SMARCC1: variants seen among roughly 807,000 people sequenced by gnomAD.
SMARCC1 encodes the protein SWI/SNF complex subunit SMARCC1.
Under a neutral mutation model 147.4 loss-of-function variants are expected in SMARCC1, and 43 were observed. The observed-to-expected ratio is 0.29, with a 90% confidence interval of 0.23 to 0.38. The LOEUF (loss-of-function observed/expected upper bound fraction) is 0.38. SMARCC1 is among the 10% of genes least tolerant of loss of function. The probability of loss-of-function intolerance (pLI) is 1.00; values close to 1 mark genes in which losing one functional copy is unlikely to be tolerated. For synonymous variants in SMARCC1, 495 were observed against 484.4 expected (o/e 1.02, Z -0.29); for missense variants, 1,119 against 1,381.1 (o/e 0.81, Z 3.01).
intron 2 of SMARCC1, 30 bp downstream of exon 2, chr3:47,772,787 G>A: frequency 6.3e-7 from 1 of 1,586,572 alleles, no homozygotes; most frequent in Non-Finnish European, 8.6e-7. Flanking sequence ...AACTGAGGAT[G>A]CCCAAATAAC....
intron 9 of SMARCC1, among the ~76,000 whole-genome samples, chr3:47,707,969 T>A (rs1424122826): frequency 1.3e-5 from 2 of 151,038 alleles, no homozygotes; most frequent in Non-Finnish European, 2.9e-5. Context: ...AGAAGCTCCA[T>A]AGCATCAAAC....
chr3:47,776,732 T>C (rs930619635), intron 1 of SMARCC1, among the ~76,000 whole-genome samples: 26 of 152,176 alleles, frequency 1.7e-4, no homozygotes, highest in Non-Finnish European at 1.0e-4. Flanking sequence ...AATATACATA[T>C]ATATGTAAAC....
intron 25 of SMARCC1, among the ~76,000 whole-genome samples, chr3:47,618,050 A>T (rs1212652007): frequency 6.6e-6 from 1 of 152,148 alleles, no homozygotes; most frequent in Non-Finnish European, 1.5e-5. Flanking sequence ...TCATACAAAG[A>T]ATTTTCCTGC....
At chr3:47,773,954 C>T (rs1216798585) in intron 1 of SMARCC1, among the ~76,000 whole-genome samples, 3 of 152,046 alleles carry the variant, frequency 2.0e-5, no homozygotes, top group Non-Finnish European at 2.9e-5. Flanking sequence ...TTTAAACCTC[C>T]AATTCCAAGC....
chr3:47,613,479 C>G (rs2032591847), intron 25 of SMARCC1, among the ~76,000 whole-genome samples: 1 of 151,438 alleles, frequency 6.6e-6, no homozygotes, highest in African/African-American at 2.4e-5. Context: ...CCTCCCTCAG[C>G]CTCCCAAGTA....
intron 21 of SMARCC1, among the ~76,000 whole-genome samples, chr3:47,639,313 A>G (rs1471848639): frequency 1.3e-5 from 2 of 152,220 alleles, no homozygotes; most frequent in Non-Finnish European, 2.9e-5. Context: ...AAACCAGCAC[A>G]GTATAACAGA....
At chr3:47,762,944 T>TA (rs1308147722) in intron 2 of SMARCC1, among the ~76,000 whole-genome samples, 4 of 151,924 alleles carry the variant, frequency 2.6e-5, no homozygotes, top group African/African-American at 9.7e-5. Context: ...CAGGCACCTG[T>TA]AGTCCCAGCT....
chr3:47,726,224 A>C (rs1373951448), intron 6 of SMARCC1, among the ~76,000 whole-genome samples: 1 of 151,764 alleles, frequency 6.6e-6, no homozygotes, highest in African/African-American at 2.4e-5. Context: ...TGAGACACCC[A>C]TCTCTAATAT....
intron 2 of SMARCC1, among the ~76,000 whole-genome samples, chr3:47,757,551 T>G (rs1334783369): frequency 6.6e-6 from 1 of 151,690 alleles, no homozygotes; most frequent in Non-Finnish European, 1.5e-5. Context: ...CCAAGGCAGG[T>G]GGATCATGAG....
rs141171975 is a variant in SMARCC1 at position 47,759,976 on chromosome 3, C to T, written c.315+12841G>A. 5.7e-4 allele frequency among the ~76,000 whole-genome samples: 87 copies of T among 151,762 alleles called. 1 individual carries two copies. The East Asian group carries it at 0.014, about 25-fold the overall frequency. ...AAAAGAAAAAATGTATCAGCCCGTACACAGCAATGACAATAAACAAATTAC... is the reference window on the plus strand; with the variant it reads ...AAAAGAAAAAATGTATCAGCCCGTATACAGCAATGACAATAAACAAATTAC... On this transcript the variant is annotated intron_variant, in intron 2 of 27. Transcript: ENST00000254480.
intron 9 of SMARCC1, among the ~76,000 whole-genome samples, chr3:47,708,095 T>TTTTTTC (rs2106795363): frequency 9.1e-6 from 1 of 110,236 alleles, no homozygotes; most frequent in Admixed American, 9.5e-5. Context: ...TTTTTTTTTT[T>TTTTTTC]TTTTTTTTTT....
rs576286393 is a variant in SMARCC1 at position 47,754,481 on chromosome 3, G to A, written c.316-8488C>T. 3.3e-5 allele frequency among the ~76,000 whole-genome samples: 5 copies of A among 152,220 alleles called. No individual in the cohort carries two copies. In the South Asian group the frequency reaches 8.3e-4, roughly 25 times the overall value. The stretch of plus-strand genomic sequence containing the variant: ...CTCCCAAAGTGTTGGGATTACAGGT[G>A]TGAGCCACGGCTCCTGGCCTGAACT... On this transcript the variant is annotated intron_variant, in intron 2 of 27. Coordinates refer to ENST00000254480, the MANE Select transcript of SMARCC1 (RefSeq NM_003074.4).
At chr3:47,710,933 G>T (rs1021514603) in intron 8 of SMARCC1, 125 bp from the exon 9 acceptor site, 4 of 606,794 alleles carry the variant, frequency 6.6e-6, no homozygotes, top group Non-Finnish European at 1.1e-5. Context: ...TTAATAATGT[G>T]ATACTACTAA....
At chr3:47,775,572 G>C (rs925577923) in intron 1 of SMARCC1, among the ~76,000 whole-genome samples, 1 of 150,426 alleles carries the variant, frequency 6.6e-6, no homozygotes, top group Non-Finnish European at 1.5e-5. Context: ...AGGAGATCAA[G>C]ACCAACCTGA....
intron 7 of SMARCC1, among the ~76,000 whole-genome samples, chr3:47,718,193 C>T (rs1479568235): frequency 4.0e-5 from 6 of 149,890 alleles, no homozygotes; most frequent in Non-Finnish European, 5.9e-5. Context: ...ACCTATAATC[C>T]CAGCACTTTG....
intron 24 of SMARCC1, among the ~76,000 whole-genome samples, chr3:47,634,800 A>C (rs2032946904): frequency 6.6e-6 from 1 of 152,226 alleles, no homozygotes; most frequent in African/African-American, 2.4e-5. Flanking sequence ...GTATTTAGGC[A>C]AGGAAACAGG....
chr3:47,630,294 T>C (rs2032869767), intron 24 of SMARCC1, among the ~76,000 whole-genome samples: 1 of 152,074 alleles, frequency 6.6e-6, no homozygotes, highest in Admixed American at 6.6e-5. Context: ...ACAAAAGGGT[T>C]TGCACTCCTA....
chr3:47,756,475 G>A (rs558161302), intron 2 of SMARCC1, among the ~76,000 whole-genome samples: 21 of 141,512 alleles, frequency 1.5e-4, no homozygotes, highest in African/African-American at 4.2e-4. Flanking sequence ...GGAGGTTGCA[G>A]TGAGCTGAGA....
rs751028294 is a variant in SMARCC1, at chr3:47,762,688, G to T, written c.315+10129C>A. 2.0e-5 allele frequency among the ~76,000 whole-genome samples: 3 copies of T among 152,308 alleles called. No homozygotes were observed. In the South Asian group the frequency reaches 6.2e-4, roughly 32 times the overall value. ...TGTAATCCCAGCACTTTGGGAGGCC[G>T]AGATGGGAGAATCACCTGAGGTCAG... On this transcript the variant is annotated intron_variant, in intron 2 of 27. Coordinates refer to ENST00000254480, the MANE Select transcript of SMARCC1 (RefSeq NM_003074.4).
Sources: gnomAD v4.1 joint callset for allele counts (sites outside exome capture counted in the v4.1 genomes callset) on GRCh38, gnomAD v4.1.1 for gene constraint, MANE v1.5 for transcripts, NCBI Gene and HGNC (gene_info 2026-07-23, HGNC 2026-07-21) for gene names.